Variants in DOCK4 observed in about 807,000 individuals in gnomAD.
The protein encoded by DOCK4 is dedicator of cytokinesis 4.
Under a neutral mutation model 268.1 loss-of-function variants are expected in DOCK4, and 97 were observed. That is an observed-to-expected ratio of 0.36 (90% CI 0.31 to 0.43). The LOEUF is 0.43. DOCK4 is among the 20% of genes least tolerant of loss of function. The pLI, the probability that DOCK4 is intolerant of heterozygous loss-of-function variation, is 1.00. For synonymous variants in DOCK4, 954 were observed against 887.2 expected, an observed-to-expected ratio of 1.08 and a Z score of -1.34; for missense variants, 2,145 against 2,455.7, an observed-to-expected ratio of 0.87 and a Z score of 2.67.
chr7:111,767,244 T>C, intron 37 of DOCK4, 126 bp from the exon 38 acceptor site: 3 of 709,690 alleles, frequency 4.2e-6, no homozygotes, highest in Non-Finnish European at 6.8e-6. Flanking sequence ...TTTTTTTTTT[T>C]TGAGATGGAG....
At chr7:111,740,203 G>A (rs759302868) in intron 47 of DOCK4, 4 of 345,606 alleles carry the variant, frequency 1.2e-5, no homozygotes, top group East Asian at 1.0e-4. Flanking sequence ...AGGTTCAAGC[G>A]ATTCTCCTGC....
chr7:111,891,025 A>C lies in DOCK4; in HGVS notation c.1587+4587T>G, dbSNP rs188560973. ...AATGACACAGAACATGGTTTATAAA[A>C]ATCCAAGACAATTAATGTTCCTTCA... On this transcript the variant is annotated intron_variant, in intron 16 of 52. Coordinates refer to ENST00000428084, the MANE Select transcript of DOCK4 (RefSeq NM_001363540.2). 2.7e-4 allele frequency among the ~76,000 whole-genome samples: 41 copies of C among 152,322 alleles called. No individual in the cohort carries two copies. In the East Asian group the frequency reaches 6.4e-3, roughly 24 times the overall value.
At chr7:112,058,917 T>C (rs1806100406) in intron 1 of DOCK4, among the ~76,000 whole-genome samples, 1 of 152,140 alleles carries the variant, frequency 6.6e-6, no homozygotes. Context: ...CTAAGTCATA[T>C]GTCAAAGCTC....
intron 13 of DOCK4, among the ~76,000 whole-genome samples, chr7:111,903,707 A>C (rs1791333850): frequency 6.6e-6 from 1 of 152,246 alleles, no homozygotes; most frequent in South Asian, 2.1e-4. Flanking sequence ...TGGTCTGCAC[A>C]TGCTAGTTTA....
chr7:112,173,932 T>C (rs1433844319), intron 1 of DOCK4, among the ~76,000 whole-genome samples: 2 of 152,076 alleles, frequency 1.3e-5, no homozygotes, highest in African/African-American at 2.4e-5. Flanking sequence ...AGACCAGCCC[T>C]GGGCAGGTGA....
At chr7:112,164,745 G>A (rs758881070) in intron 1 of DOCK4, among the ~76,000 whole-genome samples, 1 of 152,206 alleles carries the variant, frequency 6.6e-6, no homozygotes, top group Non-Finnish European at 1.5e-5. Context: ...CTTACTTGTT[G>A]AATCTTTGTG....
At chr7:111,900,770 T>G (rs1791074809) in intron 14 of DOCK4, among the ~76,000 whole-genome samples, 1 of 152,168 alleles carries the variant, frequency 6.6e-6, no homozygotes, top group African/African-American at 2.4e-5. Flanking sequence ...GGGTGACACG[T>G]GGGAGATGGA....
intron 30 of DOCK4, among the ~76,000 whole-genome samples, chr7:111,793,083 TG>T (rs1799662564): frequency 6.6e-6 from 1 of 152,242 alleles, no homozygotes; most frequent in South Asian, 2.1e-4. Flanking sequence ...CAAGAAGAGT[TG>T]TTTGATTAAT....
chr7:112,148,911 C>A (rs1815773155), intron 1 of DOCK4, among the ~76,000 whole-genome samples: 2 of 152,130 alleles, frequency 1.3e-5, no homozygotes, highest in South Asian at 4.1e-4. Flanking sequence ...TGAACCCCAA[C>A]GTTTTGTGGC....
intron 40 of DOCK4, 99 bp downstream of exon 40, chr7:111,760,082 T>C (rs796767243): frequency 6.8e-7 from 1 of 1,470,578 alleles, no homozygotes; most frequent in Non-Finnish European, 9.3e-7. Context: ...GATGTGGCTA[T>C]TGAAAAGGGA....
At chr7:111,986,027 G>A (rs1006783901) in intron 6 of DOCK4, among the ~76,000 whole-genome samples, 7 of 152,146 alleles carry the variant, frequency 4.6e-5, no homozygotes, top group Non-Finnish European at 1.0e-4. Context: ...TGCTGGGAGT[G>A]GTGGTGGCAG....
intron 16 of DOCK4, among the ~76,000 whole-genome samples, chr7:111,883,312 A>G (rs1199211793): frequency 6.6e-6 from 1 of 152,108 alleles, no homozygotes; most frequent in Non-Finnish European, 1.5e-5. Context: ...ATAGTGTTGG[A>G]AACATCCTTT....
intron 1 of DOCK4, among the ~76,000 whole-genome samples, chr7:112,162,089 T>C (rs1158617954): frequency 6.6e-6 from 1 of 152,234 alleles, no homozygotes; most frequent in Non-Finnish European, 1.5e-5. Context: ...GTAAATTTTT[T>C]ATATGTGTCA....
chr7:111,778,414 G>A, intron 35 of DOCK4, 45 bp from the exon 36 acceptor site: 1 of 1,292,190 alleles, frequency 7.7e-7, no homozygotes, highest in Non-Finnish European at 1.1e-6. Context: ...CAACAATCTG[G>A]CCTACAATTA....
chr7:111,939,514 C>CAAAA (rs55951068), intron 11 of DOCK4, among the ~76,000 whole-genome samples: 2 of 80,690 alleles, frequency 2.5e-5, no homozygotes, highest in African/African-American at 4.7e-5. Flanking sequence ...GACTCCTTCT[C>CAAAA]AAAAAAAAAA....
intron 13 of DOCK4, among the ~76,000 whole-genome samples, chr7:111,902,927 G>A (rs1431589750): frequency 3.9e-5 from 6 of 152,072 alleles, no homozygotes; most frequent in African/African-American, 7.2e-5. Context: ...GTGCCACCAC[G>A]CCTGGCTAAT....
chr7:112,201,588 C>T (rs778722745), intron 1 of DOCK4, among the ~76,000 whole-genome samples: 15 of 151,358 alleles, frequency 9.9e-5, no homozygotes, highest in African/African-American at 2.4e-4. Context: ...GACAAATGAA[C>T]GCAAAAACAA....
At position 111,874,988 on chromosome 7, in the gene DOCK4, G is replaced by A. The variant is rs550655964; in HGVS notation, c.1744+2042C>T. Among the ~76,000 whole-genome samples, 4 of 152,258 alleles carry A rather than the reference G, an allele frequency of 2.6e-5. No individual in the cohort carries two copies. In the South Asian group the frequency reaches 8.3e-4, roughly 32 times the overall value. On this transcript the variant is annotated intron_variant, in intron 17 of 52. Transcript: ENST00000428084. ...CCACGTCAAGAAAAATGAATACATA[G>A]CAATTTAATTCCAATTTGGAACTAG...
At chr7:112,191,855 C>T (rs1819980052) in intron 1 of DOCK4, among the ~76,000 whole-genome samples, 1 of 151,756 alleles carries the variant, frequency 6.6e-6, no homozygotes, top group Admixed American at 6.6e-5. Flanking sequence ...CATCCTAAAG[C>T]TGGGTTTTCC....
Sources: gnomAD v4.1 joint callset for allele counts (sites outside exome capture counted in the v4.1 genomes callset) on GRCh38, gnomAD v4.1.1 for gene constraint, MANE v1.5 for transcripts, NCBI Gene and HGNC (gene_info 2026-07-23, HGNC 2026-07-21) for gene names.